ARMC2: variants seen among roughly 807,000 people sequenced by gnomAD.
ARMC2 encodes armadillo repeat containing 2.
ARMC2 carries 67 observed loss-of-function variants against 90.3 expected under a neutral mutation model. That is an observed-to-expected ratio of 0.74 (90% CI 0.61 to 0.91). The LOEUF (loss-of-function observed/expected upper bound fraction) is 0.91. Among genes scored for constraint, ARMC2 ranks in the 40% least tolerant of loss-of-function variants. ARMC2 has a pLI of 0.00. For missense variants in ARMC2, 920 were observed against 1,030.9 expected (o/e 0.89, Z 1.47); for synonymous variants, 393 against 393.0 (o/e 1.00, Z 0.00).
chr6:108,978,740 A>G (rs948754772), downstream of ARMC2, among the ~76,000 whole-genome samples: 1 of 151,890 alleles, frequency 6.6e-6, no homozygotes. Context: ...TCCCTTTACC[A>G]TTAGGTAATG....
chr6:109,045,251 C>T, the ARMC2 span, among the ~76,000 whole-genome samples: 2 of 152,014 alleles, frequency 1.3e-5, no homozygotes, highest in South Asian at 2.1e-4. Flanking sequence ...TATCCTCAAC[C>T]TCACTCCCAA....
chr6:108,932,703 T>C (rs1775670119), intron 11 of ARMC2, among the ~76,000 whole-genome samples: 2 of 151,598 alleles, frequency 1.3e-5, no homozygotes, highest in Admixed American at 1.3e-4. Flanking sequence ...TAATTTTTTG[T>C]ATTTTTAGTA....
intron 10 of ARMC2, among the ~76,000 whole-genome samples, chr6:108,927,617 C>T (rs984168481): frequency 4.7e-5 from 7 of 150,124 alleles, no homozygotes; most frequent in African/African-American, 1.7e-4. Context: ...GAGAATGAGA[C>T]TAAAGATCTT....
At chr6:109,046,298 C>A in the ARMC2 span, among the ~76,000 whole-genome samples, 6 of 151,656 alleles carry the variant, frequency 4.0e-5, no homozygotes, top group African/African-American at 9.7e-5. Context: ...TTGGCCGGGC[C>A]GGTCTCCAGC....
the ARMC2 span, among the ~76,000 whole-genome samples, chr6:109,012,958 A>C: frequency 4.0e-5 from 6 of 149,418 alleles, no homozygotes; most frequent in African/African-American, 1.5e-4. Context: ...TACTGAAAAT[A>C]CAAAAAAATT....
chr6:108,972,580 C>T (rs2128521656), intron 17 of ARMC2, among the ~76,000 whole-genome samples: 1 of 152,206 alleles, frequency 6.6e-6, no homozygotes, highest in Non-Finnish European at 1.5e-5. Context: ...GTTGTTTATT[C>T]TGAGAAATTG....
rs1432856974 is a variant in ARMC2, at chr6:108,974,107, T to C, written c.*593T>C. 1 of 152,240 alleles carries C rather than the reference T, an allele frequency of 6.6e-6. No individual in the cohort carries two copies. Among genetic ancestry groups the C allele is most frequent in the African/African-American group, 2.4e-5 (1 of 41,454 alleles). The allele number at this position is 152,240 out of a possible 1,614,324, so 9.4% of individuals were successfully genotyped here. ...AGATAAAATGAGAGTATATTTTCAT[T>C]TGAAATAAAATGACTGGACTAAGAC... On this transcript the variant is annotated 3_prime_UTR_variant, in exon 18 of 18. Transcript: ENST00000392644.
chr6:109,030,255 A>G, the ARMC2 span, among the ~76,000 whole-genome samples: 8 of 152,208 alleles, frequency 5.3e-5, no homozygotes, highest in African/African-American at 1.9e-4. Flanking sequence ...GTCTAAGGAG[A>G]GATATGACAA....
intron 10 of ARMC2, among the ~76,000 whole-genome samples, chr6:108,915,551 T>C (rs1773874011): frequency 6.6e-6 from 1 of 152,142 alleles, no homozygotes; most frequent in South Asian, 2.1e-4. Flanking sequence ...GTTGGGCTCA[T>C]TGAAAGAGTG....
chr6:108,989,600 G>T, the ARMC2 span, among the ~76,000 whole-genome samples: 13 of 141,776 alleles, frequency 9.2e-5, no homozygotes, highest in African/African-American at 3.0e-4. Context: ...GAGATAGAGA[G>T]AGATAGATAT....
At chr6:108,952,678 A>G (rs1562422778) in intron 12 of ARMC2, among the ~76,000 whole-genome samples, 1 of 152,098 alleles carries the variant, frequency 6.6e-6, no homozygotes, top group Non-Finnish European at 1.5e-5. Context: ...GAAACCGGCT[A>G]TTGTCAAAAC....
At chr6:108,907,918 G>A (rs1179684965) in intron 8 of ARMC2, 4 of 1,524,242 alleles carry the variant, frequency 2.6e-6, no homozygotes, top group African/African-American at 1.4e-5. Context: ...TCTTAAGCCC[G>A]CTTATTTTCT....
chr6:108,896,996 C>T (rs570851766), intron 6 of ARMC2, among the ~76,000 whole-genome samples: 2 of 152,090 alleles, frequency 1.3e-5, no homozygotes, highest in South Asian at 4.2e-4. Context: ...GGTTAGTTAT[C>T]CACAAATATG....
intron 12 of ARMC2, among the ~76,000 whole-genome samples, chr6:108,950,533 A>G (rs1777108248): frequency 6.6e-6 from 1 of 152,226 alleles, no homozygotes; most frequent in African/African-American, 2.4e-5. Context: ...ACAGAAAACC[A>G]AATACCACAA....
At chr6:108,905,003 C>T (rs767700932) in intron 8 of ARMC2, among the ~76,000 whole-genome samples, 50 of 152,062 alleles carry the variant, frequency 3.3e-4, no homozygotes, top group Non-Finnish European at 5.9e-4. Context: ...CTGTCTCAAA[C>T]AAAATGATAT....
At chr6:108,990,855 C>A in the ARMC2 span, 2 of 1,600,322 alleles carry the variant, frequency 1.2e-6, 1 homozygote, top group South Asian at 2.2e-5. Flanking sequence ...GGGAATAGAA[C>A]AAATGTGAAT....
the ARMC2 span, chr6:109,008,682 A>G: frequency 7.6e-6 from 5 of 659,772 alleles, no homozygotes; most frequent in Admixed American, 1.3e-4. Context: ...AGGTTACATT[A>G]GTAACTTTCA....
intron 17 of ARMC2, among the ~76,000 whole-genome samples, chr6:108,971,733 C>T (rs1778778230): frequency 6.6e-6 from 1 of 151,834 alleles, no homozygotes; most frequent in African/African-American, 2.4e-5. Context: ...ACCAGCCGGG[C>T]CAACATGGTA....
In ARMC2 at chr6:108,964,209, G is replaced by A; in HGVS notation, c.2182G>A (p.Ala728Thr). Residue 728 changes from alanine to threonine, a missense_variant, in exon 16 of 18, where the codon GCT becomes ACT. By Grantham distance (58) the Ala-to-Thr change is moderately conservative (BLOSUM62 0). Coordinates refer to ENST00000392644, the MANE Select transcript of ARMC2 (RefSeq NM_032131.6). ...VHRFMMALLD[A>T]QHQDICFSAC... ...CAGGTTCATGATGGCGCTGCTGGATGCTCAGCATCAGGATATCTGCTTTTC... is the reference window on the plus strand; with the variant it reads ...CAGGTTCATGATGGCGCTGCTGGATACTCAGCATCAGGATATCTGCTTTTC... 6.2e-7 allele frequency: 1 copy of A among 1,613,942 alleles called. No homozygotes were observed. Among genetic ancestry groups the A allele is most frequent in the Non-Finnish European group, 8.5e-7 (1 of 1,179,852 alleles).
Sources: gnomAD v4.1 joint callset for allele counts (sites outside exome capture counted in the v4.1 genomes callset) on GRCh38, gnomAD v4.1.1 for gene constraint, MANE v1.5 for transcripts, NCBI Gene and HGNC (gene_info 2026-07-23, HGNC 2026-07-21) for gene names.